Variants in TCF25 observed in about 807,000 individuals in gnomAD.
The protein encoded by TCF25 is ribosome quality control complex subunit TCF25.
TCF25 carries 41 observed loss-of-function variants against 83.1 expected under a neutral mutation model. That is an observed-to-expected ratio of 0.49 (90% CI 0.38 to 0.64). The LOEUF is 0.64. TCF25 is among the 30% of genes least tolerant of loss of function. TCF25 has a pLI of 0.00. For synonymous variants in TCF25, 458 were observed against 365.0 expected, an observed-to-expected ratio of 1.25 and a Z score of -2.90; for missense variants, 979 against 914.5, an observed-to-expected ratio of 1.07 and a Z score of -0.91.
chr16:89,904,624 C>G lies in TCF25; in HGVS notation c.1470-314C>G, dbSNP rs565845036. Reference sequence around the variant, plus strand: ...GGGAGCAAACACAGGAGAAAGTGCACGCCTTGGGGTCATCCCCTGGCCCTC... The same window carrying G: ...GGGAGCAAACACAGGAGAAAGTGCAGGCCTTGGGGTCATCCCCTGGCCCTC... On this transcript the variant is annotated intron_variant, in intron 13 of 17. Transcript: ENST00000263346. The G allele has an allele frequency of 2.9e-5, 15 of 513,268 alleles. No homozygotes were observed. In the Admixed American group the frequency reaches 3.2e-4, roughly 11 times the overall value. 31.8% of individuals were successfully genotyped at this position (513,268 alleles called of 1,614,324 possible).
At position 89,898,887 on chromosome 16, in the gene TCF25, G is replaced by A. The variant is rs2044100104; in HGVS notation, c.1221+15G>A. 6 of 1,612,224 alleles carry A rather than the reference G, an allele frequency of 3.7e-6. No individual in the cohort carries two copies. The highest frequency in any genetic ancestry group is 5.1e-6 in the Non-Finnish European group (6 of 1,179,102). On this transcript the variant is annotated intron_variant, in intron 11 of 17. Transcript: ENST00000263346. ...AGGAGTGGGAGGTGGGTGCGAGCCTGGTGAGGCCCCGTGGAGGGACGGACA... is the reference window on the plus strand; with the variant it reads ...AGGAGTGGGAGGTGGGTGCGAGCCTAGTGAGGCCCCGTGGAGGGACGGACA...
chr16:89,876,355 C>T (rs183563200), intron 1 of TCF25, among the ~76,000 whole-genome samples: 1 of 152,206 alleles, frequency 6.6e-6, no homozygotes, highest in Non-Finnish European at 1.5e-5. Flanking sequence ...GTATGGGAGA[C>T]AGTAAACAGC....
chr16:89,878,642 G>A (rs2042371491), intron 1 of TCF25: 1 of 1,091,370 alleles, frequency 9.2e-7, no homozygotes, highest in Non-Finnish European at 1.1e-6. Context: ...GTAATAAGGT[G>A]TTTTGTTTTG....
chr16:89,877,379 A>G (rs1191912222), intron 1 of TCF25, among the ~76,000 whole-genome samples: 2 of 151,734 alleles, frequency 1.3e-5, no homozygotes, highest in Admixed American at 6.6e-5. Context: ...AATTTTTTCA[A>G]TTTTTTTTGA....
intron 9 of TCF25, 55 bp from the exon 10 acceptor site, chr16:89,898,502 A>C: frequency 6.3e-7 from 1 of 1,578,612 alleles, no homozygotes; most frequent in Non-Finnish European, 8.7e-7. Flanking sequence ...GGCGCTGAGC[A>C]GAGAGCATTC....
At chr16:89,896,211 A>T (rs2043836767) in intron 9 of TCF25, 128 bp downstream of exon 9, 1 of 732,556 alleles carries the variant, frequency 1.4e-6, no homozygotes, top group African/African-American at 1.8e-5. Context: ...GTCCAGAGTG[A>T]CCCACCTTCC....
intron 1 of TCF25, 122 bp from the exon 2 acceptor site, chr16:89,883,229 G>A (rs778344187): frequency 3.2e-5 from 43 of 1,327,456 alleles, no homozygotes; most frequent in Non-Finnish European, 4.3e-5. Flanking sequence ...TTCCCGTCCA[G>A]CGTCTCGCAC....
intron 9 of TCF25, among the ~76,000 whole-genome samples, chr16:89,896,649 G>A (rs113907064): frequency 0.042 from 6,302 of 151,378 alleles, 468 homozygotes; most frequent in African/African-American, 0.15. Flanking sequence ...CACCTCCCGG[G>A]TTCAAGCCAT....
chr16:89,911,146 C>T lies in TCF25; in HGVS notation c.1939C>T (p.Leu647=), dbSNP rs930011513. The change falls in exon 18 of 18, where the codon CTG becomes TTG. Residue 647 remains leucine (L), a synonymous_variant. Transcript: ENST00000263346. The part of the protein sequence containing the change: ...NRNQGLNRLM[L]AVRDMMANFH... ...CAACCAGGGCCTGAACAGGCTGATGCTGGCTGTGCGCGACATGATGGCCAA... is the reference window on the plus strand; with the variant it reads ...CAACCAGGGCCTGAACAGGCTGATGTTGGCTGTGCGCGACATGATGGCCAA... 4 of 1,612,074 alleles carry T rather than the reference C, an allele frequency of 2.5e-6. No individual in the cohort carries two copies. Among genetic ancestry groups the T allele is most frequent in the Non-Finnish European group, 2.5e-6 (3 of 1,179,946 alleles).
chr16:89,876,692 C>G (rs939730752), intron 1 of TCF25, among the ~76,000 whole-genome samples: 1 of 151,350 alleles, frequency 6.6e-6, no homozygotes, highest in Non-Finnish European at 1.5e-5. Flanking sequence ...TTTGGGAGGC[C>G]GACGTGGGCG....
rs573675338 is a variant in TCF25, at chr16:89,905,384, G to A, written c.1628+288G>A. Among the ~76,000 whole-genome samples the A allele has an allele frequency of 5.3e-4, 81 of 152,336 alleles. 1 individual carries two copies. The South Asian group carries it at 0.011, about 20-fold the overall frequency. ...TGCAGTGTTTCCACATGAGCTGTGAGATGATGACGAGTCTCTCACAGCAGC... is the reference window on the plus strand; with the variant it reads ...TGCAGTGTTTCCACATGAGCTGTGAAATGATGACGAGTCTCTCACAGCAGC... On this transcript the variant is annotated intron_variant, in intron 14 of 17. Transcript: ENST00000263346.
chr16:89,877,405 G>C (rs1299557712), intron 1 of TCF25, among the ~76,000 whole-genome samples: 2 of 152,244 alleles, frequency 1.3e-5, no homozygotes, highest in African/African-American at 4.8e-5. Flanking sequence ...AGTGTGCTGG[G>C]ATTATAGATG....
At position 89,900,812 on chromosome 16, in the gene TCF25, C is replaced by CT. The variant is rs2044261981; in HGVS notation, c.1381+19dup. The CT allele has an allele frequency of 1.3e-6, 2 of 1,557,506 alleles. No individual in the cohort carries two copies. Among genetic ancestry groups the CT allele is most frequent in the Non-Finnish European group, 1.8e-6 (2 of 1,136,566 alleles). The stretch of plus-strand genomic sequence containing the variant: ...CCCTGGAGGTGAGTGAGCGCTGTGT[C>CT]TCGCCTGGGGTAGGGGTGTGTCCTG... On this transcript the variant is annotated intron_variant, in intron 12 of 17. Coordinates refer to ENST00000263346, the MANE Select transcript of TCF25 (RefSeq NM_014972.3).
chr16:89,880,836 T>C (rs2042553148), intron 1 of TCF25, among the ~76,000 whole-genome samples: 1 of 152,186 alleles, frequency 6.6e-6, no homozygotes, highest in Admixed American at 6.5e-5. Context: ...GTTAGAAACA[T>C]TTCAACAATA....
chr16:89,879,014 CAT>C (rs935666700), intron 1 of TCF25, among the ~76,000 whole-genome samples: 15 of 152,244 alleles, frequency 9.9e-5, no homozygotes, highest in African/African-American at 3.4e-4. Flanking sequence ...TGCAGCAAAT[CAT>C]GTGTCATCAC....
intron 1 of TCF25, among the ~76,000 whole-genome samples, chr16:89,876,927 TAA>T (rs71137687): frequency 1.2e-4 from 8 of 68,022 alleles, no homozygotes; most frequent in Admixed American, 1.8e-4. Context: ...AGACTCCATC[TAA>T]AAAAAAAAAA....
At chr16:89,908,817 TCCC>T in intron 16 of TCF25, 1 of 777,878 alleles carries the variant, frequency 1.3e-6, no homozygotes, top group Non-Finnish European at 1.8e-6. Context: ...ACCTCGCAGC[TCCC>T]AGCTCCCAGC....
chr16:89,908,448 GCAGTTCCCACCTCC>G (rs901165349), intron 16 of TCF25, among the ~76,000 whole-genome samples: 7 of 26,228 alleles, frequency 2.7e-4, no homozygotes, highest in African/African-American at 5.7e-4. Context: ...CTCCTTCCTC[GCAGTTCCCACCTCC>G]CAGTTCCCAC....
chr16:89,908,835 A>AGCTCTCT, intron 16 of TCF25: 2 of 956,944 alleles, frequency 2.1e-6, no homozygotes, highest in Non-Finnish European at 2.8e-6. Flanking sequence ...CCCAGCTCCC[A>AGCTCTCT]CCTCGCAGCT....
Sources: allele counts gnomAD v4.1 joint callset (sites outside exome capture counted in the v4.1 genomes callset), GRCh38; gene constraint gnomAD v4.1.1; transcripts MANE v1.5; gene names NCBI Gene and HGNC (gene_info 2026-07-23, HGNC 2026-07-21).